Variants in PRMT2 observed in about 807,000 individuals in gnomAD.
PRMT2 encodes protein arginine N-methyltransferase 2.
A neutral mutation model predicts 57.6 loss-of-function variants in PRMT2; 26 were observed. The observed-to-expected ratio is 0.45, with a 90% CI of 0.33 to 0.63. The LOEUF (loss-of-function observed/expected upper bound fraction) is 0.63. PRMT2 is among the 20% of genes least tolerant of loss of function. The probability of loss-of-function intolerance (pLI) is 0.02; values close to 1 mark genes in which losing one functional copy is unlikely to be tolerated. For missense variants in PRMT2, 472 were observed against 564.4 expected, an observed-to-expected ratio of 0.84 and a Z score of 1.66; for synonymous variants, 219 against 220.0, an observed-to-expected ratio of 1.00 and a Z score of 0.04.
chr21:46,643,677 G>A, intron 4 of PRMT2, 38 bp downstream of exon 4: 1 of 1,563,256 alleles, frequency 6.4e-7, no homozygotes, highest in Non-Finnish European at 8.6e-7. Flanking sequence ...ATGGCTTTCA[G>A]CATGTTCAGT....
chr21:46,645,797 G>C (rs1295074192), intron 5 of PRMT2, among the ~76,000 whole-genome samples: 3 of 151,380 alleles, frequency 2.0e-5, no homozygotes, highest in African/African-American at 7.3e-5. Context: ...GTTCACTGCA[G>C]CCTCTGCCTC....
rs1366371785 is a variant in PRMT2 at position 46,648,171 on chromosome 21, A to G, written c.328-287A>G. On this transcript the variant is annotated intron_variant, in intron 5 of 11. Coordinates refer to ENST00000355680, the MANE Select transcript of PRMT2 (RefSeq NM_206962.4). This position sits in a 1 kb window ranked among gnomAD's most constrained non-coding sequence, Gnocchi z 4.8. ...TTTGTTTAATATCTCTTAGTATTTT[A>G]AGATAAGGACAATATCTCTTTGTCA... The G allele has an allele frequency of 3.1e-6, 1 of 318,832 alleles. No individual in the cohort carries two copies. Among genetic ancestry groups the G allele is most frequent in the African/African-American group, 2.0e-5 (1 of 49,136 alleles). The allele number at this position is 318,832 out of a possible 1,614,324, so 19.8% of individuals were successfully genotyped here.
At chr21:46,644,963 T>G (rs1305685677) in intron 5 of PRMT2, among the ~76,000 whole-genome samples, 1 of 152,000 alleles carries the variant, frequency 6.6e-6, no homozygotes. Flanking sequence ...AGGCTGAGTG[T>G]GGTGGCTGAC....
At chr21:46,656,194 C>T (rs2061539514) in intron 7 of PRMT2, among the ~76,000 whole-genome samples, 1 of 152,196 alleles carries the variant, frequency 6.6e-6, no homozygotes, top group African/African-American at 2.4e-5. Context: ...CCTCTGCTCC[C>T]ACCCTGTGGT....
intron 7 of PRMT2, chr21:46,652,014 A>G (rs749771794): frequency 1.2e-6 from 2 of 1,613,050 alleles, no homozygotes; most frequent in Admixed American, 3.3e-5. Context: ...TGACGCTGAC[A>G]TGTAGTAAAA....
chr21:46,640,086 C>A (rs890656927), intron 3 of PRMT2, among the ~76,000 whole-genome samples: 7 of 152,080 alleles, frequency 4.6e-5, no homozygotes, highest in Non-Finnish European at 8.8e-5. Flanking sequence ...CATCCTAATT[C>A]AATTTCAGTC....
chr21:46,641,974 A>C (rs76260989), intron 3 of PRMT2, among the ~76,000 whole-genome samples: 1,770 of 152,294 alleles, frequency 0.012, 29 homozygotes, highest in African/African-American at 0.041. Flanking sequence ...AAGTATTTTA[A>C]AAACGCCTAA....
chr21:46,653,288 A>G lies in PRMT2; in HGVS notation c.654+3549A>G, dbSNP rs144461587. 80 of 985,466 alleles carry G rather than the reference A, an allele frequency of 8.1e-5. 1 individual carries two copies. In the African/African-American group the frequency reaches 1.2e-3, roughly 15 times the overall value. 61.0% of individuals were successfully genotyped at this position (985,466 alleles called of 1,614,324 possible). A position where few individuals can be genotyped will look rare whatever the true frequency, so the allele number is the denominator to read the frequency against. ...AATCCTGAGCTTAACGAAAGTCTTT[A>G]TAAGTCAGCTCATGAAAACAGGCAC... On this transcript the variant is annotated intron_variant, in intron 7 of 11. Transcript: ENST00000355680.
chr21:46,655,424 T>G (rs117772343), intron 7 of PRMT2, among the ~76,000 whole-genome samples: 9,042 of 152,246 alleles, frequency 0.059, 432 homozygotes, highest in Non-Finnish European at 0.089. Context: ...TCAATCAGTG[T>G]AATCTACCAT....
At position 46,648,114 on chromosome 21, in the gene PRMT2, A is replaced by T. The variant is rs2061392323; in HGVS notation, c.328-344A>T. On this transcript the variant is annotated intron_variant, in intron 5 of 11. Transcript: ENST00000355680. This position sits in a 1 kb window ranked among gnomAD's most constrained non-coding sequence, Gnocchi z 4.8. The stretch of plus-strand genomic sequence containing the variant: ...ATTTTGGGAGAGCTGACATCTTTAT[A>T]ACATTGACTCTCAGTCTCTGATTAC... 6.6e-6 allele frequency among the ~76,000 whole-genome samples: 1 copy of T among 152,240 alleles called. No individual in the cohort carries two copies. The highest frequency in any genetic ancestry group is 1.5e-5 in the Non-Finnish European group (1 of 68,048).
In PRMT2 at chr21:46,642,662, T is replaced by C. The variant is rs1288754972; in HGVS notation, c.40-873T>C. The stretch of plus-strand genomic sequence containing the variant: ...ATGTATTGAGACAAGGTTGATTCAT[T>C]GAACTGGAGTGTGTGATCTGAGGTT... On this transcript the variant is annotated intron_variant, in intron 3 of 11. Transcript: ENST00000355680. Among the ~76,000 whole-genome samples, 7 of 152,228 alleles carry C rather than the reference T, an allele frequency of 4.6e-5. No individual in the cohort carries two copies. In the East Asian group the frequency reaches 1.3e-3, roughly 29 times the overall value.
At chr21:46,647,750 C>T (rs992243724) in intron 5 of PRMT2, among the ~76,000 whole-genome samples, 3 of 152,168 alleles carry the variant, frequency 2.0e-5, no homozygotes, top group African/African-American at 7.2e-5. Flanking sequence ...TAAAATTCCG[C>T]CCTAATGTAT....
intron 7 of PRMT2, among the ~76,000 whole-genome samples, chr21:46,651,361 G>C (rs1201613694): frequency 1.3e-5 from 2 of 152,134 alleles, no homozygotes; most frequent in Admixed American, 6.5e-5. Context: ...CCCTGGGGAG[G>C]GTGGACATCT....
intron 7 of PRMT2, among the ~76,000 whole-genome samples, chr21:46,650,162 G>A (rs2061428029): frequency 1.3e-5 from 2 of 152,148 alleles, no homozygotes; most frequent in Non-Finnish European, 2.9e-5. Context: ...GTCCTGTCAG[G>A]GTTGCTCACC....
At position 46,649,722 on chromosome 21, in the gene PRMT2, A is replaced by G. The variant is rs778977474; in HGVS notation, c.637A>G (p.Met213Val). 1 of 1,613,354 alleles carries G rather than the reference A, an allele frequency of 6.2e-7. No homozygotes were observed. The highest frequency in any genetic ancestry group is 8.5e-7 in the Non-Finnish European group (1 of 1,179,854). ...GGTGGACGTGCTGGTGTCTGAGTGG[A>G]TGGGGACCTGCCTGCTGGTGAGGGC... ...EKVDVLVSEW[M>V]GTCLLFEFMI... Residue 213 changes from methionine (M) to valine (V), a missense_variant, in exon 7 of 12, where the codon ATG (methionine) becomes GTG (valine). By Grantham distance (21) the Met-to-Val change is conservative. Transcript: ENST00000355680. The surrounding 1 kb of genome is among the most constrained non-coding windows in gnomAD (Gnocchi z 4.8).
At chr21:46,641,214 T>G (rs2061268602) in intron 3 of PRMT2, among the ~76,000 whole-genome samples, 1 of 151,894 alleles carries the variant, frequency 6.6e-6, no homozygotes. Context: ...GTGCACAGAC[T>G]TCTTTTATTG....
At position 46,649,890 on chromosome 21, in the gene PRMT2, A is replaced by G. The variant is rs2061424397; in HGVS notation, c.654+151A>G. Reference sequence around the variant, plus strand: ...GGTCTAATTAATTTCTTGTGTGGACATTGGCTCAGTGTCTTGAATTTTCAC... The same window carrying G: ...GGTCTAATTAATTTCTTGTGTGGACGTTGGCTCAGTGTCTTGAATTTTCAC... On this transcript the variant is annotated intron_variant, in intron 7 of 11. Transcript: ENST00000355680. The surrounding 1 kb of genome is among the most constrained non-coding windows in gnomAD (Gnocchi z 4.8). 1 of 1,477,458 alleles carries G rather than the reference A, an allele frequency of 6.8e-7. No individual in the cohort carries two copies. The highest frequency in any genetic ancestry group is 9.0e-7 in the Non-Finnish European group (1 of 1,106,268). 91.5% of individuals were successfully genotyped at this position (1,477,458 alleles called of 1,614,324 possible). A position where few individuals can be genotyped will look rare whatever the true frequency, so the allele number is the denominator to read the frequency against.
chr21:46,661,236 C>A, intron 9 of PRMT2: 7 of 261,304 alleles, frequency 2.7e-5, no homozygotes, highest in East Asian at 1.5e-4. Flanking sequence ...ATATTCTCAG[C>A]ATCTTCAAAA....
chr21:46,649,860 T>C lies in PRMT2; in HGVS notation c.654+121T>C. 6.6e-7 allele frequency: 1 copy of C among 1,512,792 alleles called. No individual in the cohort carries two copies. Among genetic ancestry groups the C allele is most frequent in the Non-Finnish European group, 8.9e-7 (1 of 1,121,200 alleles). The allele number at this position is 1,512,792 out of a possible 1,614,324, so 93.7% of individuals were successfully genotyped here. The stretch of plus-strand genomic sequence containing the variant: ...TGATTCATTTTGATGTTTTCCCTAA[T>C]GTGAGGTCTAATTAATTTCTTGTGT... On this transcript the variant is annotated intron_variant, in intron 7 of 11. Transcript: ENST00000355680. This position sits in a 1 kb window ranked among gnomAD's most constrained non-coding sequence, Gnocchi z 4.8.
Sources: gnomAD v4.1 joint callset for allele counts (sites outside exome capture counted in the v4.1 genomes callset) on GRCh38, gnomAD v4.1.1 for gene constraint, Gnocchi (gnomAD v3.1) non-coding constraint, MANE v1.5 for transcripts, NCBI Gene and HGNC (gene_info 2026-07-23, HGNC 2026-07-21) for gene names.